GRIK3: variants seen among roughly 807,000 people sequenced by gnomAD.
The protein encoded by GRIK3 is glutamate receptor ionotropic, kainate 3.
A neutral mutation model predicts 102.5 loss-of-function variants in GRIK3; 29 were observed. The ratio of observed to expected loss-of-function variants is 0.28; its 90% CI spans 0.21 to 0.39. The LOEUF is 0.39. Among genes scored for constraint, GRIK3 ranks in the 10% least tolerant of loss-of-function variants. GRIK3 has a pLI of 1.00. For missense variants in GRIK3, 908 were observed against 1,252.4 expected, an observed-to-expected ratio of 0.73 and a Z score of 4.15; for synonymous variants, 511 against 504.9, an observed-to-expected ratio of 1.01 and a Z score of -0.16.
At chr1:36,952,450 C>T (rs1232765435) in intron 1 of GRIK3, among the ~76,000 whole-genome samples, 1 of 152,186 alleles carries the variant, frequency 6.6e-6, no homozygotes, top group African/African-American at 2.4e-5. Flanking sequence ...GGATGTGAAC[C>T]TCCAGACCAC....
At chr1:36,899,951 A>G (rs894788938) in intron 1 of GRIK3, among the ~76,000 whole-genome samples, 1 of 152,254 alleles carries the variant, frequency 6.6e-6, no homozygotes, top group Non-Finnish European at 1.5e-5. Flanking sequence ...CTATTCTACT[A>G]GGAGACTTCA....
chr1:36,891,182 A>G (rs1641111160), intron 1 of GRIK3, 86 bp from the exon 2 acceptor site: 2 of 980,064 alleles, frequency 2.0e-6, no homozygotes, highest in Non-Finnish European at 3.1e-6. Context: ...TTTTATAGAC[A>G]AGTTGCCTGC....
intron 1 of GRIK3, among the ~76,000 whole-genome samples, chr1:36,997,633 G>A (rs1195218678): frequency 2.0e-5 from 3 of 152,202 alleles, no homozygotes; most frequent in Non-Finnish European, 2.9e-5. Flanking sequence ...CAGCTTCTGG[G>A]GAAAGTGAGG....
intron 1 of GRIK3, among the ~76,000 whole-genome samples, chr1:36,944,370 C>G (rs1327865885): frequency 6.6e-6 from 1 of 152,066 alleles, no homozygotes; most frequent in African/African-American, 2.4e-5. Flanking sequence ...CACAGGGAAT[C>G]CCCTCAGGCC....
intron 1 of GRIK3, among the ~76,000 whole-genome samples, chr1:36,964,765 G>A (rs1642062231): frequency 6.6e-6 from 1 of 152,080 alleles, no homozygotes; most frequent in Non-Finnish European, 1.5e-5. Flanking sequence ...GACCAGCACA[G>A]CCATCACTAA....
At chr1:36,931,348 C>G (rs1488500114) in intron 1 of GRIK3, among the ~76,000 whole-genome samples, 1 of 152,162 alleles carries the variant, frequency 6.6e-6, no homozygotes, top group Non-Finnish European at 1.5e-5. Context: ...CCTCATCACT[C>G]CAGGTCTCAG....
At chr1:36,831,410 G>A (rs750963552) in intron 10 of GRIK3, among the ~76,000 whole-genome samples, 3 of 152,192 alleles carry the variant, frequency 2.0e-5, no homozygotes, top group South Asian at 2.1e-4. Flanking sequence ...CCATGCATAC[G>A]GGACTATTCC....
chr1:37,010,789 C>T (rs910931249), intron 1 of GRIK3, among the ~76,000 whole-genome samples: 2 of 141,914 alleles, frequency 1.4e-5, no homozygotes, highest in Admixed American at 7.4e-5. Context: ...GGCCGGACTG[C>T]GGACTGCAGT....
chr1:36,806,153 C>T lies in GRIK3; in HGVS notation c.2265G>A (p.Gln755=). ...CCTTGGAGTCAATGAGGCCCCCGAT[C>T]TGGGTGAGGTTGCAGTTCCTCTGCG... is the stretch of plus-strand genomic sequence containing the variant. ...YVTQRNCNLT[Q]IGGLIDSKGY... The change falls in exon 14 of 16, where the codon CAG becomes CAA. Residue 755 remains glutamine, a synonymous_variant. Coordinates refer to ENST00000373091, the MANE Select transcript of GRIK3 (RefSeq NM_000831.4). The surrounding 1 kb of genome is among the most constrained non-coding windows in gnomAD (Gnocchi z 4.0). 2 of 1,614,114 alleles carry T rather than the reference C, an allele frequency of 1.2e-6. No homozygotes were observed. Among genetic ancestry groups the T allele is most frequent in the Non-Finnish European group, 1.7e-6 (2 of 1,180,024 alleles).
Position 36,880,907 on chromosome 1 carries a change from G to A in GRIK3, c.293-16C>T. 1 of 1,587,674 alleles carries A rather than the reference G, an allele frequency of 6.3e-7. No homozygotes were observed. On this transcript the variant is annotated splice_polypyrimidine_tract_variant and intron_variant, in intron 2 of 15. Coordinates refer to ENST00000373091, the MANE Select transcript of GRIK3 (RefSeq NM_000831.4). The surrounding 1 kb of genome is among the most constrained non-coding windows in gnomAD (Gnocchi z 5.4). Reference sequence around the variant, plus strand: ...TGGTCACAGGCTGCAACAGAGGGTAGGGCAGCACAGGGGTCAGCACTGGGG... The same window carrying A: ...TGGTCACAGGCTGCAACAGAGGGTAAGGCAGCACAGGGGTCAGCACTGGGG...
At chr1:36,830,932 C>T (rs1025347461) in intron 10 of GRIK3, among the ~76,000 whole-genome samples, 1 of 152,158 alleles carries the variant, frequency 6.6e-6, no homozygotes, top group East Asian at 1.9e-4. Flanking sequence ...CAGGGACTGC[C>T]GGCCACACCA....
intron 1 of GRIK3, among the ~76,000 whole-genome samples, chr1:36,996,367 A>G (rs1642419860): frequency 6.6e-6 from 1 of 152,164 alleles, no homozygotes; most frequent in Non-Finnish European, 1.5e-5. Context: ...TAAGACTCTT[A>G]CTCCCTCTGG....
chr1:36,936,013 G>A (rs1641653628), intron 1 of GRIK3, among the ~76,000 whole-genome samples: 1 of 152,152 alleles, frequency 6.6e-6, no homozygotes, highest in Non-Finnish European at 1.5e-5. Context: ...TCAAGTCTCA[G>A]GGAAAACAGA....
chr1:36,850,126 C>T lies in GRIK3; in HGVS notation c.1326+185G>A, dbSNP rs1443130284. The T allele has an allele frequency of 6.9e-6, 4 of 578,506 alleles. No homozygotes were observed. Among genetic ancestry groups the T allele is most frequent in the Non-Finnish European group, 6.2e-6 (2 of 324,716 alleles). The allele number at this position is 578,506 out of a possible 1,614,324, so 35.8% of individuals were successfully genotyped here. A position where few individuals can be genotyped will look rare whatever the true frequency, so the allele number is the denominator to read the frequency against. On this transcript the variant is annotated intron_variant, in intron 9 of 15. Coordinates refer to ENST00000373091, the MANE Select transcript of GRIK3 (RefSeq NM_000831.4). This position sits in a 1 kb window ranked among gnomAD's most constrained non-coding sequence, Gnocchi z 4.0. Reference sequence around the variant, plus strand: ...ACACAAAAACGCAGCGGCTTCCGCCCGTGGCAGCGAGCAGCGCTGCTGCGC... The same window carrying T: ...ACACAAAAACGCAGCGGCTTCCGCCTGTGGCAGCGAGCAGCGCTGCTGCGC...
At chr1:36,822,464 G>C (rs139827529) in intron 11 of GRIK3, among the ~76,000 whole-genome samples, 1 of 152,350 alleles carries the variant, frequency 6.6e-6, no homozygotes, top group African/African-American at 2.4e-5. Flanking sequence ...ACCCTCCTCG[G>C]CCACAGGAGA....
At chr1:36,929,672 C>A (rs1176081979) in intron 1 of GRIK3, among the ~76,000 whole-genome samples, 1 of 152,136 alleles carries the variant, frequency 6.6e-6, no homozygotes, top group Non-Finnish European at 1.5e-5. Flanking sequence ...CTGGGAAGCA[C>A]CATATTCGAG....
chr1:36,984,969 T>C (rs938728394), intron 1 of GRIK3, among the ~76,000 whole-genome samples: 2 of 152,156 alleles, frequency 1.3e-5, no homozygotes, highest in Non-Finnish European at 2.9e-5. Context: ...GGGATGTGGC[T>C]TGAAGCCTGG....
At chr1:36,935,913 C>T (rs983368246) in intron 1 of GRIK3, among the ~76,000 whole-genome samples, 1 of 152,170 alleles carries the variant, frequency 6.6e-6, no homozygotes, top group African/African-American at 2.4e-5. Flanking sequence ...GCCCCGACTC[C>T]CTCAGATTGC....
At chr1:36,847,062 G>A (rs1368471032) in intron 9 of GRIK3, among the ~76,000 whole-genome samples, 1 of 152,246 alleles carries the variant, frequency 6.6e-6, no homozygotes, top group Non-Finnish European at 1.5e-5. Context: ...AGTGGGGATG[G>A]AGACAGCTGA....
Sources: allele counts gnomAD v4.1 joint callset (sites outside exome capture counted in the v4.1 genomes callset), GRCh38; gene constraint gnomAD v4.1.1; non-coding constraint Gnocchi (gnomAD v3.1); transcripts MANE v1.5; gene names NCBI Gene and HGNC (gene_info 2026-07-23, HGNC 2026-07-21).